MDFIC2: variants seen among roughly 807,000 people sequenced by gnomAD.
The protein encoded by MDFIC2 is MyoD family inhibitor domain containing 2.
chr3:70,250,409 TCTCACACACACACACA>T (rs1300535472), intron 2 of MDFIC2, among the ~76,000 whole-genome samples: 15 of 126,348 alleles, frequency 1.2e-4, no homozygotes, highest in East Asian at 9.0e-4. Context: ...TTTTAATGAA[TCTCACACACACACACA>T]CACACACACA....
intron 2 of MDFIC2, among the ~76,000 whole-genome samples, chr3:70,305,049 C>T (rs1702386667): frequency 6.6e-6 from 1 of 152,142 alleles, no homozygotes; most frequent in African/African-American, 2.4e-5. Context: ...GCTCAAATAA[C>T]TTTCCCACAG....
chr3:70,219,809 A>G (rs1316046582), intron 2 of MDFIC2, among the ~76,000 whole-genome samples: 1 of 152,182 alleles, frequency 6.6e-6, no homozygotes, highest in Admixed American at 6.5e-5. Context: ...TCAAGTTATG[A>G]TGGCAAAATG....
At chr3:70,236,634 C>A (rs1166892242) in intron 2 of MDFIC2, among the ~76,000 whole-genome samples, 1 of 152,130 alleles carries the variant, frequency 6.6e-6, no homozygotes, top group Non-Finnish European at 1.5e-5. Context: ...CTCACTCTGT[C>A]ACCCAGGCTG....
rs1053165706 is a variant in MDFIC2 at position 70,197,204 on chromosome 3, C to T, written c.311-19G>A. 1 of 398,246 alleles carries T rather than the reference C, an allele frequency of 2.5e-6. No homozygotes were observed. The highest frequency in any genetic ancestry group is 4.4e-5 in the Admixed American group (1 of 22,702). 24.7% of individuals were successfully genotyped at this position (398,246 alleles called of 1,614,324 possible). ...CACTCCTCTGTTTAAAGAAGAAGAC[C>T]AATTAATAGTGGCACATCTGGGGGC... On this transcript the variant is annotated intron_variant, in intron 3 of 3. Coordinates refer to ENST00000567252, the MANE Select transcript of MDFIC2 (RefSeq NM_001364677.1).
chr3:70,266,287 G>A (rs977086343), intron 2 of MDFIC2, among the ~76,000 whole-genome samples: 4 of 151,112 alleles, frequency 2.6e-5, no homozygotes. Context: ...TACTTCTAAT[G>A]TCAAATTTTT....
chr3:70,302,655 C>T (rs1702362640), intron 2 of MDFIC2: 1 of 152,166 alleles, frequency 6.6e-6, no homozygotes, highest in African/African-American at 2.4e-5. Flanking sequence ...CAGATTGCTT[C>T]ACTGTTACTT....
chr3:70,293,982 A>G (rs1218708875), intron 2 of MDFIC2, among the ~76,000 whole-genome samples: 10 of 152,042 alleles, frequency 6.6e-5, no homozygotes, highest in Non-Finnish European at 1.0e-4. Flanking sequence ...TCAAGCTATC[A>G]CTCAAGAGTT....
chr3:70,231,934 A>G (rs1701563458), intron 2 of MDFIC2, among the ~76,000 whole-genome samples: 1 of 152,104 alleles, frequency 6.6e-6, no homozygotes, highest in South Asian at 2.1e-4. Flanking sequence ...ACACCAAATA[A>G]CAGTCGTGTA....
At chr3:70,246,682 T>A (rs1218476495) in intron 2 of MDFIC2, among the ~76,000 whole-genome samples, 1 of 152,042 alleles carries the variant, frequency 6.6e-6, no homozygotes. Context: ...TGGGACACAA[T>A]ACTAAAAAAA....
chr3:70,281,026 G>C (rs1433554961), intron 2 of MDFIC2, among the ~76,000 whole-genome samples: 2 of 152,064 alleles, frequency 1.3e-5, no homozygotes, highest in African/African-American at 2.4e-5. Context: ...AATTTCCTTT[G>C]TATCTTTGGG....
In MDFIC2 at chr3:70,259,644, G is replaced by A. The variant is rs569730642; in HGVS notation, c.88+52242C>T. On this transcript the variant is annotated intron_variant, in intron 2 of 3. Transcript: ENST00000567252. ...CATCTCTACACCCTGAAAGTCTGAC[G>A]TGTAAGGTCTTCATCAGTGGGCTCC... 2.0e-4 allele frequency among the ~76,000 whole-genome samples: 31 copies of A among 152,242 alleles called. No homozygotes were observed. In the South Asian group the frequency reaches 5.2e-3, roughly 25 times the overall value.
At chr3:70,310,328 T>C (rs996964913) in intron 2 of MDFIC2, among the ~76,000 whole-genome samples, 4 of 151,852 alleles carry the variant, frequency 2.6e-5, no homozygotes, top group African/African-American at 7.2e-5. Context: ...CTTTTTTCTT[T>C]TTAAAATAAG....
intron 2 of MDFIC2, among the ~76,000 whole-genome samples, chr3:70,265,476 A>G (rs918941037): frequency 2.1e-5 from 3 of 143,050 alleles, no homozygotes; most frequent in Admixed American, 7.0e-5. Flanking sequence ...ACCCTGCTCC[A>G]TGCTACCTCC....
In MDFIC2 at chr3:70,194,965, A is replaced by G. The variant is rs1239287640; in HGVS notation, c.*1961T>C. The stretch of plus-strand genomic sequence containing the variant: ...AGGAGGTGCAAGGAAACAACTGTTG[A>G]TGAGTCAGTCTGGTAGTGTTTTAGT... On this transcript the variant is annotated 3_prime_UTR_variant, in exon 4 of 4. Coordinates refer to ENST00000567252, the MANE Select transcript of MDFIC2 (RefSeq NM_001364677.1). Among the ~76,000 whole-genome samples the G allele has an allele frequency of 6.6e-6, 1 of 152,120 alleles. No individual in the cohort carries two copies. Among genetic ancestry groups the G allele is most frequent in the Non-Finnish European group, 1.5e-5 (1 of 68,020 alleles).
chr3:70,228,651 TGG>T (rs2106742588), intron 2 of MDFIC2, among the ~76,000 whole-genome samples: 1 of 150,952 alleles, frequency 6.6e-6, no homozygotes, highest in East Asian at 1.9e-4. Context: ...TTTTTTAGTG[TGG>T]GGCTAAATGT....
chr3:70,271,574 T>C (rs1181070207), intron 2 of MDFIC2, among the ~76,000 whole-genome samples: 1 of 152,212 alleles, frequency 6.6e-6, no homozygotes, highest in East Asian at 1.9e-4. Context: ...AGGCCACCAG[T>C]TGGCAAATTC....
chr3:70,232,736 G>A lies in MDFIC2; in HGVS notation c.89-25946C>T, dbSNP rs55657786. On this transcript the variant is annotated intron_variant, in intron 2 of 3. Coordinates refer to ENST00000567252, the MANE Select transcript of MDFIC2 (RefSeq NM_001364677.1). ...TTAGTCACAATAATAATGTAAATAC[G>A]TATTGTTTTTACCAATAATAAATAT... 2.2e-3 allele frequency among the ~76,000 whole-genome samples: 338 copies of A among 152,110 alleles called. 2 individuals carry two copies. The highest frequency in any genetic ancestry group is 3.9e-3 in the Non-Finnish European group (266 of 68,000).
chr3:70,312,084 A>G (rs979645910), intron 1 of MDFIC2, 111 bp from the exon 2 acceptor site: 5 of 391,126 alleles, frequency 1.3e-5, no homozygotes, highest in East Asian at 1.1e-4. Flanking sequence ...TTTTATCTCT[A>G]TAGTTTTTCA....
intron 2 of MDFIC2, among the ~76,000 whole-genome samples, chr3:70,298,929 G>A (rs376647875): frequency 1.4e-4 from 22 of 152,196 alleles, no homozygotes; most frequent in East Asian, 9.7e-4. Context: ...AAAAAAGCAC[G>A]GTAATACTTC....
Sources: allele counts gnomAD v4.1 joint callset (sites outside exome capture counted in the v4.1 genomes callset), GRCh38; gene constraint gnomAD v4.1.1; transcripts MANE v1.5; gene names NCBI Gene and HGNC (gene_info 2026-07-23, HGNC 2026-07-21).